CARM1: variants seen among roughly 807,000 people sequenced by gnomAD.
The protein encoded by CARM1 is histone-arginine methyltransferase CARM1.
A neutral mutation model predicts 72.7 loss-of-function variants in CARM1; 14 were observed. The observed-to-expected ratio is 0.19, with a 90% CI of 0.13 to 0.30. The LOEUF (loss-of-function observed/expected upper bound fraction) is 0.30. Among genes scored for constraint, CARM1 ranks in the 10% least tolerant of loss-of-function variants. The pLI is 1.00. For synonymous variants in CARM1, 333 were observed against 345.5 expected (o/e 0.96, Z 0.40); for missense variants, 432 against 833.7 (o/e 0.52, Z 5.93).
intron 1 of CARM1, among the ~76,000 whole-genome samples, chr19:10,891,566 G>A (rs1027509710): frequency 1.3e-5 from 2 of 152,174 alleles, no homozygotes; most frequent in Admixed American, 1.3e-4. Flanking sequence ...AGAGGCTCAG[G>A]GCCTGTTCCC....
At chr19:10,898,665 C>T (rs929826840) in intron 1 of CARM1, among the ~76,000 whole-genome samples, 6 of 152,222 alleles carry the variant, frequency 3.9e-5, no homozygotes, top group Admixed American at 6.5e-5. Flanking sequence ...GCATCTGTGG[C>T]GAGCACTGAA....
chr19:10,872,379 C>T (rs992571711), intron 1 of CARM1, among the ~76,000 whole-genome samples: 3 of 152,068 alleles, frequency 2.0e-5, no homozygotes, highest in African/African-American at 7.2e-5. Context: ...TGGGGACCCC[C>T]TGGATAGCTC....
At chr19:10,874,363 T>C (rs2073846349) in intron 1 of CARM1, among the ~76,000 whole-genome samples, 1 of 152,060 alleles carries the variant, frequency 6.6e-6, no homozygotes, top group African/African-American at 2.4e-5. Context: ...ACTTTTTTGT[T>C]TTTTTTCTTT....
chr19:10,908,833 A>G, intron 3 of CARM1: 1 of 340,508 alleles, frequency 2.9e-6, no homozygotes, highest in South Asian at 3.0e-5. Flanking sequence ...CCTGTGGCAA[A>G]TCTTGAGTTC....
At chr19:10,883,832 A>T (rs1446515267) in intron 1 of CARM1, among the ~76,000 whole-genome samples, 1 of 151,844 alleles carries the variant, frequency 6.6e-6, no homozygotes, top group Non-Finnish European at 1.5e-5. Flanking sequence ...AGCCTGGCCA[A>T]CATGGTGAAA....
At chr19:10,890,793 A>ATT (rs1227175346) in intron 1 of CARM1, among the ~76,000 whole-genome samples, 18 of 83,786 alleles carry the variant, frequency 2.1e-4, no homozygotes, top group African/African-American at 9.8e-4. Flanking sequence ...ATATATATAT[A>ATT]TATTTTTTTT....
At chr19:10,911,346 C>T (rs1043364813) in intron 4 of CARM1, among the ~76,000 whole-genome samples, 14 of 152,170 alleles carry the variant, frequency 9.2e-5, no homozygotes, top group African/African-American at 3.4e-4. Flanking sequence ...GCCTTGGGCC[C>T]TGGGGAGGAG....
intron 1 of CARM1, among the ~76,000 whole-genome samples, chr19:10,883,268 G>A (rs1349713037): frequency 6.6e-6 from 1 of 152,190 alleles, no homozygotes; most frequent in Admixed American, 6.5e-5. Flanking sequence ...GCCTGGAAGA[G>A]AAGATGTATC....
intron 1 of CARM1, among the ~76,000 whole-genome samples, chr19:10,892,421 G>C (rs2073994854): frequency 6.6e-6 from 1 of 152,264 alleles, no homozygotes; most frequent in African/African-American, 2.4e-5. Context: ...GGCTGCGCCA[G>C]AGGAGCCCAG....
chr19:10,888,631 C>T (rs899039717), intron 1 of CARM1, among the ~76,000 whole-genome samples: 17 of 152,056 alleles, frequency 1.1e-4, no homozygotes, highest in African/African-American at 2.7e-4. Flanking sequence ...GGCTTTGCAC[C>T]GCGCCCCCAC....
intron 1 of CARM1, among the ~76,000 whole-genome samples, chr19:10,879,189 G>T (rs2073883944): frequency 6.6e-6 from 1 of 152,184 alleles, no homozygotes; most frequent in South Asian, 2.1e-4. Context: ...CTTCCAGACA[G>T]CAGGACAGAG....
Position 10,920,686 on chromosome 19 carries a change from C to G in CARM1, c.1362C>G (p.Ala454=), listed in dbSNP as rs756438482. 15 of 1,614,120 alleles carry G rather than the reference C, an allele frequency of 9.3e-6. No individual in the cohort carries two copies. In the Admixed American group the frequency reaches 2.3e-4, roughly 25 times the overall value. The part of the protein sequence containing the change: ...KRQSYDISIV[A]QVDQTGSKSS... ...AGAGCTACGACATCAGTATTGTGGC[C>G]CAGGTGGACCAGACCGGCTCCAAGT... Residue 454 remains alanine (A), a synonymous_variant, in exon 12 of 16, where the codon GCC becomes GCG. Coordinates refer to ENST00000327064, the MANE Select transcript of CARM1 (RefSeq NM_199141.2). This position sits in a 1 kb window ranked among gnomAD's most constrained non-coding sequence, Gnocchi z 5.3.
Position 10,916,345 on chromosome 19 carries a change from C to A in CARM1, c.848-62C>A. ...TGGGGGTCTTGGGGTCCTTTGGAAG[C>A]TCTGCCAGGCAGTGTGGGATGTGTC... On this transcript the variant is annotated intron_variant, in intron 6 of 15. Transcript: ENST00000327064. This position sits in a 1 kb window ranked among gnomAD's most constrained non-coding sequence, Gnocchi z 4.4. 1 of 1,162,526 alleles carries A rather than the reference C, an allele frequency of 8.6e-7. No homozygotes were observed. Among genetic ancestry groups the A allele is most frequent in the Non-Finnish European group, 1.3e-6 (1 of 777,058 alleles). The allele number at this position is 1,162,526 out of a possible 1,614,324, so 72.0% of individuals were successfully genotyped here.
intron 1 of CARM1, among the ~76,000 whole-genome samples, chr19:10,897,709 C>T (rs1446679976): frequency 1.3e-5 from 2 of 152,074 alleles, no homozygotes; most frequent in Non-Finnish European, 2.9e-5. Flanking sequence ...AGCTCTGGGC[C>T]GGGCACGGTG....
intron 2 of CARM1, among the ~76,000 whole-genome samples, chr19:10,905,422 T>A (rs1392986134): frequency 2.0e-5 from 3 of 151,290 alleles, no homozygotes; most frequent in Admixed American, 6.6e-5. Flanking sequence ...TGAGGCGAGG[T>A]CCTAGAGGCA....
intron 1 of CARM1, among the ~76,000 whole-genome samples, chr19:10,900,176 G>A (rs1399273345): frequency 6.6e-6 from 1 of 152,170 alleles, no homozygotes; most frequent in African/African-American, 2.4e-5. Context: ...GCCAGGGGTG[G>A]TGGCATGTGC....
intron 1 of CARM1, among the ~76,000 whole-genome samples, chr19:10,874,845 A>G (rs1324030862): frequency 6.6e-6 from 1 of 152,098 alleles, no homozygotes; most frequent in Non-Finnish European, 1.5e-5. Flanking sequence ...AACATGGCAA[A>G]ATCTCGTCTC....
chr19:10,920,104 AAG>A lies in CARM1; in HGVS notation c.1196+142_1196+143del. On this transcript the variant is annotated intron_variant, in intron 10 of 15. Transcript: ENST00000327064. This position sits in a 1 kb window ranked among gnomAD's most constrained non-coding sequence, Gnocchi z 5.3. Reference sequence around the variant, plus strand: ...TGGGAGTGAGAGCCTGTCTCGGAGCAAGAGACTGTTGTGGGTGGGGTGTGTGT... The same window carrying A: ...TGGGAGTGAGAGCCTGTCTCGGAGCAAGACTGTTGTGGGTGGGGTGTGTGT... The A allele has an allele frequency of 7.0e-6, 5 of 710,764 alleles. No individual in the cohort carries two copies. The highest frequency in any genetic ancestry group is 1.8e-5 in the African/African-American group (1 of 54,076). The allele number at this position is 710,764 out of a possible 1,614,324, so 44.0% of individuals were successfully genotyped here.
rs201607510 is a variant in CARM1, at chr19:10,913,913, G to A, written c.706G>A (p.Val236Met). The A allele has an allele frequency of 2.4e-5, 38 of 1,613,532 alleles. No individual in the cohort carries two copies. The highest frequency in any genetic ancestry group is 3.3e-5 in the Admixed American group (2 of 59,972). ...VKSNNLTDRI[V>M]VIPGKVEEVS... ...GAGTAACAACCTGACGGACCGCATC[G>A]TGGTCATCCCGGGCAAGGTGGAGGA... The change falls in exon 6 of 16, where the codon GTG becomes ATG. Residue 236 changes from valine (V) to methionine (M), a missense_variant. This residue lies in a region of CARM1 where 152 missense variants were observed against 452.8 expected (regional missense o/e 0.34). Coordinates refer to ENST00000327064, the MANE Select transcript of CARM1 (RefSeq NM_199141.2).
Sources: gnomAD v4.1 joint callset for allele counts (sites outside exome capture counted in the v4.1 genomes callset) on GRCh38, gnomAD v4.1.1 for gene constraint, gnomAD v4.1.1 regional missense constraint, Gnocchi (gnomAD v3.1) non-coding constraint, MANE v1.5 for transcripts, NCBI Gene and HGNC (gene_info 2026-07-23, HGNC 2026-07-21) for gene names.